Variants in SMARCC2 observed in about 807,000 individuals in gnomAD.
SMARCC2 encodes the protein SWI/SNF related BAF chromatin remodeling complex subunit C2, also known as SWI/SNF complex subunit SMARCC2.
Under a neutral mutation model 151.3 loss-of-function variants are expected in SMARCC2, and 15 were observed. That is an observed-to-expected ratio of 0.10 (90% CI 0.07 to 0.15). The LOEUF is 0.15. SMARCC2 is among the 10% of genes least tolerant of loss of function. The pLI is 1.00. For synonymous variants in SMARCC2, 590 were observed against 609.5 expected (o/e 0.97, Z 0.47); for missense variants, 1,031 against 1,599.7 (o/e 0.64, Z 6.06).
intron 2 of SMARCC2, 56 bp downstream of exon 2, chr12:56,187,131 A>G: frequency 1.3e-6 from 2 of 1,525,912 alleles, no homozygotes; most frequent in Non-Finnish European, 1.8e-6. Flanking sequence ...ACAACTCTTC[A>G]GTTTGAAGGA....
intron 3 of SMARCC2, 42 bp downstream of exon 3, chr12:56,186,113 C>T: frequency 7.5e-7 from 1 of 1,340,064 alleles, no homozygotes; most frequent in Non-Finnish European, 1.1e-6. Flanking sequence ...AGGGGGATTT[C>T]CTCTAAACTA....
Position 56,171,598 on chromosome 12 carries a change from C to T in SMARCC2, c.2185+81G>A. 6.6e-7 allele frequency: 1 copy of T among 1,510,938 alleles called. No homozygotes were observed. 93.6% of individuals were successfully genotyped at this position (1,510,938 alleles called of 1,614,324 possible). A position where few individuals can be genotyped will look rare whatever the true frequency, so the allele number is the denominator to read the frequency against. The stretch of plus-strand genomic sequence containing the variant: ...AGACAAGGCCAGCAGGGCAGCCAAA[C>T]TTGAGAGGATTCACAGTCTGAGTAA... On this transcript the variant is annotated intron_variant, in intron 21 of 28. Coordinates refer to ENST00000550164, the MANE Select transcript of SMARCC2 (RefSeq NM_001330288.2). This position sits in a 1 kb window ranked among gnomAD's most constrained non-coding sequence, Gnocchi z 4.2.
chr12:56,166,838 C>T (rs910591586), intron 26 of SMARCC2, among the ~76,000 whole-genome samples: 42 of 151,756 alleles, frequency 2.8e-4, no homozygotes, highest in African/African-American at 8.9e-4. Context: ...CTGAGGTGGG[C>T]GGATCACCTG....
intron 15 of SMARCC2, among the ~76,000 whole-genome samples, chr12:56,176,643 A>C (rs79392352): frequency 7.1e-6 from 1 of 140,112 alleles, no homozygotes; most frequent in Admixed American, 7.2e-5. Context: ...ACGCCCAGCT[A>C]ATTTTTTTTT....
chr12:56,184,416 A>G, intron 5 of SMARCC2, 172 bp from the exon 6 acceptor site: 1 of 593,100 alleles, frequency 1.7e-6, no homozygotes. Flanking sequence ...GGATTGTGCT[A>G]ATAATGGAGA....
Position 56,169,630 on chromosome 12 carries a change from ACTCCACCACTTC to A in SMARCC2, c.2602_2613del (p.Glu868_Glu871del), listed in dbSNP as rs1565898736. 6.2e-7 allele frequency: 1 copy of A among 1,613,296 alleles called. No homozygotes were observed. Among genetic ancestry groups the A allele is most frequent in the Non-Finnish European group, 8.5e-7 (1 of 1,179,764 alleles). On this transcript the variant is annotated inframe_deletion, in exon 25 of 29. Coordinates refer to ENST00000550164, the MANE Select transcript of SMARCC2 (RefSeq NM_001330288.2). Reference sequence around the variant, plus strand: ...ACCTTTGTCTTCCTTTCCCCCTCAGACTCCACCACTTCCTTCAGCACTTCCTCCTGCCCTTCC... The same window carrying A: ...ACCTTTGTCTTCCTTTCCCCCTCAGACTTCAGCACTTCCTCCTGCCCTTCC...
Position 56,181,576 on chromosome 12 carries a change from G to A in SMARCC2, c.862C>T (p.Arg288Ter), listed in dbSNP as rs1876213019. 6.3e-7 allele frequency: 1 copy of A among 1,594,612 alleles called. No homozygotes were observed. Among genetic ancestry groups the A allele is most frequent in the Non-Finnish European group, 8.5e-7 (1 of 1,170,146 alleles). Residue 288 changes from arginine to a stop codon, truncating the protein, a stop_gained, in exon 10 of 29, where the codon CGA becomes TGA. Coordinates refer to ENST00000550164, the MANE Select transcript of SMARCC2 (RefSeq NM_001330288.2). LOFTEE classifies it high-confidence loss of function. ...TDEVNSPDSD[R>*]RDKKGGNYKK... ...TAGTTTCCCCCCTTCTTGTCCCGTCGATCTGAATCTGGGCTGTTCACCTAT... is the reference window on the plus strand; with the variant it reads ...TAGTTTCCCCCCTTCTTGTCCCGTCAATCTGAATCTGGGCTGTTCACCTAT...
chr12:56,178,326 A>C, intron 14 of SMARCC2, 78 bp downstream of exon 14: 1 of 1,515,572 alleles, frequency 6.6e-7, no homozygotes, highest in Non-Finnish European at 9.2e-7. Flanking sequence ...TATTTGGAGG[A>C]GGCAGGGAGA....
In SMARCC2 at chr12:56,173,007, G is replaced by A; in HGVS notation, c.1673C>T (p.Thr558Ile). Residue 558 changes from threonine (T) to isoleucine (I), a missense_variant, in exon 18 of 29, where the codon ACC becomes ATC. Thr to Ile is a moderately conservative substitution (Grantham distance 89). Transcript: ENST00000550164. Reference protein sequence around the residue: ...TPQGRQVDADTKAGRKGKELD... With the variant: ...TPQGRQVDADIKAGRKGKELD... ...CTCTTTGCCCTTTCGCCCAGCCTTG[G>A]TATCAGCATCAACCTGGCGGCCCTG... 1 of 1,614,100 alleles carries A rather than the reference G, an allele frequency of 6.2e-7. No individual in the cohort carries two copies.
At chr12:56,185,800 TAGG>T (rs989435585) in intron 3 of SMARCC2, 3 of 237,760 alleles carry the variant, frequency 1.3e-5, no homozygotes, top group African/African-American at 2.3e-5. Context: ...TATGGGAAAT[TAGG>T]AGGCAAGCTT....
At position 56,168,087 on chromosome 12, in the gene SMARCC2, C is replaced by T. The variant is rs1282872563; in HGVS notation, c.2823G>A (p.Glu941=). The T allele has an allele frequency of 3.1e-6, 5 of 1,614,004 alleles. No homozygotes were observed. The highest frequency in any genetic ancestry group is 4.2e-6 in the Non-Finnish European group (5 of 1,180,048). ...CTTCTCGCTCCCGGTCCATGATAGT[C>T]TCCAGCTCCTCAAAGTGCCGAAGTT... ...EIKLRHFEEL[E]TIMDREREAL... Residue 941 remains glutamate, a synonymous_variant, in exon 26 of 29, where the codon GAG becomes GAA. Coordinates refer to ENST00000550164, the MANE Select transcript of SMARCC2 (RefSeq NM_001330288.2).
At chr12:56,181,928 G>A (rs1876291118) in intron 8 of SMARCC2, 76 bp downstream of exon 8, 5 of 1,588,702 alleles carry the variant, frequency 3.1e-6, no homozygotes, top group African/African-American at 1.3e-5. Flanking sequence ...GGGCATACAA[G>A]CCTCTGTTTC....
chr12:56,165,495 C>T lies in SMARCC2; in HGVS notation c.3055G>A (p.Val1019Met), dbSNP rs1424674357. The change falls in exon 27 of 29, where the codon GTG becomes ATG. Residue 1019 changes from valine (V) to methionine (M), a missense_variant. Around this residue, in one of 12 missense-constraint regions of SMARCC2, gnomAD observed 310 missense variants for 350.0 expected, o/e 0.89. Transcript: ENST00000550164. The part of the protein sequence containing the change: ...AGPPAVHGLA[V>M]APASVVPAPA... ...GCAGGGACTACAGAGGCTGGAGCCA[C>T]AGCCAAGCCATGGACTGCGGGTGGC... 2.5e-6 allele frequency: 4 copies of T among 1,581,638 alleles called. No individual in the cohort carries two copies. The highest frequency in any genetic ancestry group is 4.5e-5 in the East Asian group (2 of 44,534).
At chr12:56,167,188 C>T (rs778363422) in intron 26 of SMARCC2, among the ~76,000 whole-genome samples, 1 of 151,274 alleles carries the variant, frequency 6.6e-6, no homozygotes. Flanking sequence ...CCCATCTCTA[C>T]TAAAAATACA....
intron 1 of SMARCC2, 114 bp downstream of exon 1, chr12:56,189,237 G>T (rs1357319334): frequency 8.6e-6 from 4 of 466,160 alleles, no homozygotes; most frequent in South Asian, 6.1e-5. Context: ...CTGCTTGGGA[G>T]GCCGCGGGGG....
rs778684275 is a variant in SMARCC2 at position 56,164,585 on chromosome 12, T to C, written c.3379A>G (p.Ile1127Val). ...TCAGCTAGACTACCAAATGGGATGA[T>C]GGATGGAGCAGGAGGAGGAGGAGGA... ...PPPPPPPAPSIIPFGSLADSI... is the reference protein window; with the variant it reads ...PPPPPPPAPSVIPFGSLADSI... The change falls in exon 28 of 29, where the codon ATC becomes GTC. Residue 1127 changes from isoleucine to valine, a missense_variant. Transcript: ENST00000550164. 4 of 1,613,662 alleles carry C rather than the reference T, an allele frequency of 2.5e-6. No individual in the cohort carries two copies. The highest frequency in any genetic ancestry group is 1.3e-5 in the African/African-American group (1 of 74,814).
At position 56,162,382 on chromosome 12, in the gene SMARCC2, A is replaced by AT; in HGVS notation, c.*1306dup. The AT allele has an allele frequency of 1.6e-6, 1 of 637,608 alleles. No individual in the cohort carries two copies. Among genetic ancestry groups the AT allele is most frequent in the Non-Finnish European group, 2.8e-6 (1 of 361,668 alleles). The allele number at this position is 637,608 out of a possible 1,614,324, so 39.5% of individuals were successfully genotyped here. On this transcript the variant is annotated 3_prime_UTR_variant, in exon 29 of 29. Transcript: ENST00000550164. ...GATGGAACTGAAAGCAAATTAATTT[A>AT]TAAAAAAAAAAAAAAGAAAGAAAGA...
chr12:56,165,377 G>C lies in SMARCC2; in HGVS notation c.3173C>G (p.Pro1058Arg). 1.3e-6 allele frequency: 2 copies of C among 1,505,320 alleles called. No individual in the cohort carries two copies. The highest frequency in any genetic ancestry group is 1.8e-6 in the Non-Finnish European group (2 of 1,129,836). The allele number at this position is 1,505,320 out of a possible 1,614,324, so 93.2% of individuals were successfully genotyped here. A position where few individuals can be genotyped will look rare whatever the true frequency, so the allele number is the denominator to read the frequency against. ...TGCCCCAGGCTGGGGGGCTCCAGCT[G>C]GTTGCTGCTGCTGTGGCCCTGCAGT... ...GSTAGPQQQQ[P>R]AGAPQPGAVP... Residue 1058 changes from proline to arginine, a missense_variant, in exon 27 of 29, where the codon CCA (proline) becomes CGA (arginine). By Grantham distance (103) the Pro-to-Arg change is moderately radical. This residue lies in a region of SMARCC2 where 310 missense variants were observed against 350.0 expected (regional missense o/e 0.89). Coordinates refer to ENST00000550164, the MANE Select transcript of SMARCC2 (RefSeq NM_001330288.2).
Position 56,172,434 on chromosome 12 carries a change from G to A in SMARCC2, c.1920C>T (p.Leu640=), listed in dbSNP as rs150836432. 4 of 1,569,156 alleles carry A rather than the reference G, an allele frequency of 2.5e-6. No individual in the cohort carries two copies. In the African/African-American group the frequency reaches 4.1e-5, roughly 16 times the overall value. ...REWTEQETLL[L]LEALEMYKDD... is the part of the protein sequence containing the mutation. ...TTTTCTTTGCCCCAATTACCTCCAG[G>A]AGAAGCAGGGTTTCCTGTTCTGTCC... Residue 640 remains leucine, a synonymous_variant, in exon 20 of 29, where the codon CTC becomes CTT. Coordinates refer to ENST00000550164, the MANE Select transcript of SMARCC2 (RefSeq NM_001330288.2).
Sources: gnomAD v4.1 joint callset for allele counts (sites outside exome capture counted in the v4.1 genomes callset) on GRCh38, gnomAD v4.1.1 for gene constraint, gnomAD v4.1.1 regional missense constraint, Gnocchi (gnomAD v3.1) non-coding constraint, MANE v1.5 for transcripts, NCBI Gene and HGNC (gene_info 2026-07-23, HGNC 2026-07-21) for gene names.